EXD3: variants seen among roughly 807,000 people sequenced by gnomAD.
The protein encoded by EXD3 is exonuclease mut-7 homolog.
A neutral mutation model predicts 98.0 loss-of-function variants in EXD3; 92 were observed. The observed-to-expected ratio is 0.94, with a 90% CI of 0.79 to 1.12. EXD3 has a LOEUF of 1.12. EXD3 is among the 50% of genes most tolerant of loss of function. The pLI is 0.00. For missense variants in EXD3, 1,222 were observed against 1,191.6 expected (o/e 1.03, Z -0.38); for synonymous variants, 569 against 526.0 (o/e 1.08, Z -1.12).
chr9:137,409,538 G>A (rs1293325510), intron 1 of EXD3, among the ~76,000 whole-genome samples: 1 of 152,046 alleles, frequency 6.6e-6, no homozygotes, highest in Non-Finnish European at 1.5e-5. Context: ...GTAACATAGC[G>A]AGACTCTGTT....
At chr9:137,317,762 C>A (rs1831766376) in intron 19 of EXD3, among the ~76,000 whole-genome samples, 1 of 152,150 alleles carries the variant, frequency 6.6e-6, no homozygotes, top group African/African-American at 2.4e-5. Context: ...CCCTCTTTGT[C>A]CCCAGCCTGG....
chr9:137,367,585 T>C (rs1313916150), intron 6 of EXD3: 1 of 248,180 alleles, frequency 4.0e-6, no homozygotes. Context: ...CACTGCACGG[T>C]GGAGGCGTGC....
chr9:137,419,956 G>C (rs532463746), intron 1 of EXD3, among the ~76,000 whole-genome samples: 4 of 152,184 alleles, frequency 2.6e-5, no homozygotes, highest in Non-Finnish European at 2.9e-5. Flanking sequence ...TCAGGAGATC[G>C]AGACCATCCT....
At chr9:137,410,348 G>A (rs775180277) in intron 1 of EXD3, among the ~76,000 whole-genome samples, 3 of 151,992 alleles carry the variant, frequency 2.0e-5, no homozygotes, top group Non-Finnish European at 4.4e-5. Flanking sequence ...AGCCAGGCGC[G>A]GTGGTGGGTG....
Position 137,420,021 on chromosome 9 carries a change from A to G in EXD3, c.-48+3093T>C, listed in dbSNP as rs186922675. 3.9e-3 allele frequency among the ~76,000 whole-genome samples: 597 copies of G among 152,210 alleles called. 2 individuals carry two copies. The highest frequency in any genetic ancestry group is 5.4e-3 in the Non-Finnish European group (367 of 68,004). On this transcript the variant is annotated intron_variant, in intron 1 of 21. Transcript: ENST00000340951. ...AAAAATACAAAAAAATTAGCCGGGC[A>G]TGGTGGCAGGTGCCTGTAGTCCCAG...
intron 10 of EXD3, 92 bp downstream of exon 10, chr9:137,354,247 C>G: frequency 6.5e-7 from 1 of 1,548,986 alleles, no homozygotes; most frequent in South Asian, 1.2e-5. Flanking sequence ...GGCCTCAGCT[C>G]TGCGCACTTC....
intron 1 of EXD3, among the ~76,000 whole-genome samples, chr9:137,417,270 C>T (rs973081563): frequency 2.0e-5 from 3 of 152,206 alleles, no homozygotes; most frequent in African/African-American, 7.2e-5. Context: ...TGGCCAGTTT[C>T]CCACGGCTTG....
At chr9:137,317,778 G>C (rs1003583994) in intron 19 of EXD3, among the ~76,000 whole-genome samples, 1 of 152,106 alleles carries the variant, frequency 6.6e-6, no homozygotes, top group Non-Finnish European at 1.5e-5. Context: ...CCTGGGTGTC[G>C]TGCTAGGCCC....
In EXD3 at chr9:137,403,392, C is replaced by T. The variant is rs1837564114; in HGVS notation, c.-47-7988G>A. Among the ~76,000 whole-genome samples, 1 of 151,938 alleles carries T rather than the reference C, an allele frequency of 6.6e-6. No homozygotes were observed. On this transcript the variant is annotated intron_variant, in intron 1 of 21. Transcript: ENST00000340951. The surrounding 1 kb of genome is among the most constrained non-coding windows in gnomAD (Gnocchi z 6.1). ...GGCACAGGCAGGGAGCTGCAGACCC[C>T]GTTCCTCTGTAGCCCTCCCCACCCC...
chr9:137,402,555 C>T (rs1176824900), intron 1 of EXD3, among the ~76,000 whole-genome samples: 1 of 152,192 alleles, frequency 6.6e-6, no homozygotes, highest in African/African-American at 2.4e-5. Flanking sequence ...TTGTTCATAA[C>T]ACTATCAGCA....
At chr9:137,315,300 C>A (rs1831584749) in intron 19 of EXD3, among the ~76,000 whole-genome samples, 1 of 152,270 alleles carries the variant, frequency 6.6e-6, no homozygotes, top group Non-Finnish European at 1.5e-5. Flanking sequence ...AGGAAGGCCA[C>A]CCCACCCTGT....
intron 1 of EXD3, among the ~76,000 whole-genome samples, chr9:137,398,682 A>T (rs1837335185): frequency 6.7e-6 from 1 of 148,450 alleles, no homozygotes. Flanking sequence ...CCCAAGACAC[A>T]CAGGCACCCA....
At chr9:137,312,693 G>A (rs1479673721) in intron 19 of EXD3, among the ~76,000 whole-genome samples, 1 of 152,154 alleles carries the variant, frequency 6.6e-6, no homozygotes, top group East Asian at 1.9e-4. Context: ...CAGAGGCCAA[G>A]ATGTGTTAGG....
intron 17 of EXD3, among the ~76,000 whole-genome samples, chr9:137,334,221 C>T (rs1180301160): frequency 3.3e-5 from 5 of 152,178 alleles, no homozygotes; most frequent in African/African-American, 7.2e-5. Context: ...GGGCTGGTCT[C>T]GAACGCCCGA....
In EXD3 at chr9:137,354,680, A is replaced by G. The variant is rs750576007; in HGVS notation, c.831+20T>C. On this transcript the variant is annotated intron_variant, in intron 9 of 21. Transcript: ENST00000340951. The stretch of plus-strand genomic sequence containing the variant: ...CAGGCCGCGGCTGGCTGCCCCCAGG[A>G]CCCCCTCCTGCTCACGAACCTCCAC... 5.0e-6 allele frequency: 8 copies of G among 1,609,576 alleles called. No homozygotes were observed. Among genetic ancestry groups the G allele is most frequent in the Non-Finnish European group, 5.9e-6 (7 of 1,179,596 alleles).
intron 3 of EXD3, among the ~76,000 whole-genome samples, chr9:137,375,698 G>A (rs572170314): frequency 5.3e-5 from 8 of 152,212 alleles, no homozygotes; most frequent in Non-Finnish European, 1.2e-4. Context: ...GCTTTCGTGA[G>A]TTCTAGCCCT....
chr9:137,368,653 C>A (rs978642045), intron 5 of EXD3, among the ~76,000 whole-genome samples: 2 of 152,234 alleles, frequency 1.3e-5, no homozygotes, highest in Non-Finnish European at 2.9e-5. Context: ...AGCATCGGCG[C>A]CCCGCCCCCG....
intron 1 of EXD3, among the ~76,000 whole-genome samples, chr9:137,406,472 C>T (rs566411210): frequency 6.6e-6 from 1 of 152,158 alleles, no homozygotes; most frequent in Non-Finnish European, 1.5e-5. Context: ...CAGGAGGCCG[C>T]TCCACCTCTG....
chr9:137,364,861 T>C (rs1293281244), intron 7 of EXD3, among the ~76,000 whole-genome samples: 2 of 149,208 alleles, frequency 1.3e-5, no homozygotes, highest in Non-Finnish European at 3.0e-5. Context: ...CTCCGCCTCC[T>C]GGGTTCACGC....
Sources: allele counts gnomAD v4.1 joint callset (sites outside exome capture counted in the v4.1 genomes callset), GRCh38; gene constraint gnomAD v4.1.1; non-coding constraint Gnocchi (gnomAD v3.1); transcripts MANE v1.5; gene names NCBI Gene and HGNC (gene_info 2026-07-23, HGNC 2026-07-21).